The following SNX19 variants were observed in gnomAD, a reference collection of about 807,000 sequenced individuals.
SNX19 encodes the protein sorting nexin-19.
A neutral mutation model predicts 85.2 loss-of-function variants in SNX19; 60 were observed. The observed-to-expected ratio is 0.70, with a 90% CI of 0.57 to 0.87. The LOEUF is 0.87. Ranked by LOEUF, SNX19 falls within the 40% of genes least tolerant of loss-of-function variation. The probability of loss-of-function intolerance (pLI) is 0.00; values close to 1 mark genes in which losing one functional copy is unlikely to be tolerated. For missense variants in SNX19, 1,201 were observed against 1,217.8 expected (o/e 0.99, Z 0.21); for synonymous variants, 520 against 470.0 (o/e 1.11, Z -1.38).
Position 130,915,195 on chromosome 11 carries a change from G to C in SNX19, c.745C>G (p.Pro249Ala). ...VELITCNVIL[P>A]LISRLSDPDW... ...GGATCTGACAGCCTGCTGATCAGTGGTAAGATTACATTGCATGTGATGAGT... is the reference window on the plus strand; with the variant it reads ...GGATCTGACAGCCTGCTGATCAGTGCTAAGATTACATTGCATGTGATGAGT... Residue 249 changes from proline to alanine, a missense_variant, in exon 1 of 11, where the codon CCA becomes GCA. Pro to Ala is a conservative substitution (Grantham distance 27). This residue lies in a region of SNX19 where 791 missense variants were observed against 750.9 expected (regional missense o/e 1.05). Transcript: ENST00000265909. 1 of 1,614,250 alleles carries C rather than the reference G, an allele frequency of 6.2e-7. No homozygotes were observed. Among genetic ancestry groups the C allele is most frequent in the Non-Finnish European group, 8.5e-7 (1 of 1,180,048 alleles).
In SNX19 at chr11:130,905,620, A is replaced by G. The variant is rs545650760; in HGVS notation, c.2443+333T>C. On this transcript the variant is annotated intron_variant, in intron 7 of 10. Transcript: ENST00000265909. ...AGGAAACCAGGAAACTGAGACACTA[A>G]GGGAAGAAAGTTTCTAAGAAATGCA... 2.8e-6 allele frequency: 4 copies of G among 1,428,358 alleles called. No homozygotes were observed. In the East Asian group the frequency reaches 1.0e-4, roughly 36 times the overall value. 88.5% of individuals were successfully genotyped at this position (1,428,358 alleles called of 1,614,324 possible). A position where few individuals can be genotyped will look rare whatever the true frequency, so the allele number is the denominator to read the frequency against.
chr11:130,915,634 G>A lies in SNX19; in HGVS notation c.306C>T (p.Ile102=), dbSNP rs935996895. 2 of 1,614,246 alleles carry A rather than the reference G, an allele frequency of 1.2e-6. No individual in the cohort carries two copies. Among genetic ancestry groups the A allele is most frequent in the East Asian group, 2.2e-5 (1 of 44,878 alleles). Residue 102 remains isoleucine, a synonymous_variant, in exon 1 of 11, where the codon ATC becomes ATT. Coordinates refer to ENST00000265909, the MANE Select transcript of SNX19 (RefSeq NM_014758.3). ...PEAERQLERE[I]NRTIQMIIRD... ...GAATAATCATCTGGATGGTGCGGTT[G>A]ATCTCCCGTTCCAGCTGCCTTTCTG...
Position 130,914,381 on chromosome 11 carries a change from G to T in SNX19, c.1559C>A (p.Pro520His), listed in dbSNP as rs1193570161. ...PLSSATFSFE[P>H]LSSPDGPVII... ...AACTGGACCATCGGGACTGCTTAGGGGCTCAAAGCTGAAGGTGGCTGAGCT... is the reference window on the plus strand; with the variant it reads ...AACTGGACCATCGGGACTGCTTAGGTGCTCAAAGCTGAAGGTGGCTGAGCT... Residue 520 changes from proline to histidine, a missense_variant, in exon 1 of 11, where the codon CCC becomes CAC. This residue lies in a region of SNX19 where 791 missense variants were observed against 750.9 expected (regional missense o/e 1.05). Coordinates refer to ENST00000265909, the MANE Select transcript of SNX19 (RefSeq NM_014758.3). 1 of 1,613,924 alleles carries T rather than the reference G, an allele frequency of 6.2e-7. No individual in the cohort carries two copies. Among genetic ancestry groups the T allele is most frequent in the East Asian group, 2.2e-5 (1 of 44,878 alleles).
At position 130,878,378 on chromosome 11, in the gene SNX19, G is replaced by A. The variant is rs1943388510; in HGVS notation, c.*44C>T. On this transcript the variant is annotated 3_prime_UTR_variant, in exon 11 of 11. Transcript: ENST00000265909. ...TTCCTGACTGGTCTCTGGTGGCCGA[G>A]TAACTCTACTTCCCTGACCTGGGAA... is the stretch of plus-strand genomic sequence containing the variant. The A allele has an allele frequency of 6.3e-7, 1 of 1,594,680 alleles. No individual in the cohort carries two copies. The highest frequency in any genetic ancestry group is 8.6e-7 in the Non-Finnish European group (1 of 1,168,060).
chr11:130,909,779 C>T (rs4403816), intron 4 of SNX19, among the ~76,000 whole-genome samples: 24,216 of 152,192 alleles, frequency 0.16, 2,204 homozygotes, highest in Middle Eastern at 0.25. Context: ...GATATGTGTA[C>T]ACTTAAGAGT....
At position 130,914,597 on chromosome 11, in the gene SNX19, T is replaced by A. The variant is rs182248049; in HGVS notation, c.1343A>T (p.His448Leu). 16 of 1,613,974 alleles carry A rather than the reference T, an allele frequency of 9.9e-6. No homozygotes were observed. The highest frequency in any genetic ancestry group is 5.0e-5 in the Admixed American group (3 of 60,026). ...TATCTCCTTGTCTGCTGTGTCAATA[T>A]GGATCTCTGGGCAGGAATTCAGTGT... is the stretch of plus-strand genomic sequence containing the variant. ...VSTLNSCPEIHIDTADKEIEQ... is the reference protein window; with the variant it reads ...VSTLNSCPEILIDTADKEIEQ... Residue 448 changes from histidine (H) to leucine (L), a missense_variant, in exon 1 of 11, where the codon CAT (histidine) becomes CTT (leucine). His to Leu is a moderately conservative substitution (Grantham distance 99, BLOSUM62 -3). Coordinates refer to ENST00000265909, the MANE Select transcript of SNX19 (RefSeq NM_014758.3).
At position 130,870,536 on chromosome 11, in the gene SNX19, G is replaced by T. The variant is rs1333208183; in HGVS notation, c.*7886C>A. On this transcript the variant is annotated 3_prime_UTR_variant, in exon 11 of 11. Coordinates refer to ENST00000265909, the MANE Select transcript of SNX19 (RefSeq NM_014758.3). ...AGATGTACAAAGCTGTCTGGGGCAG[G>T]TCTGGTACAGACTAGCCAGTGCCCT... Among the ~76,000 whole-genome samples the T allele has an allele frequency of 1.3e-5, 2 of 152,212 alleles. No homozygotes were observed. The highest frequency in any genetic ancestry group is 4.8e-5 in the African/African-American group (2 of 41,460).
At chr11:130,882,254 T>C (rs1943730164) in intron 8 of SNX19, among the ~76,000 whole-genome samples, 1 of 152,190 alleles carries the variant, frequency 6.6e-6, no homozygotes, top group African/African-American at 2.4e-5. Flanking sequence ...GGATGGACAA[T>C]CAACCACTTC....
chr11:130,895,734 T>C (rs570152245), intron 8 of SNX19, among the ~76,000 whole-genome samples: 42 of 152,284 alleles, frequency 2.8e-4, no homozygotes, highest in African/African-American at 8.2e-4. Context: ...GAAATGCAAA[T>C]GCAATGCTCA....
At position 130,915,295 on chromosome 11, in the gene SNX19, A is replaced by G; in HGVS notation, c.645T>C (p.Val215=). Residue 215 remains valine (V), a synonymous_variant, in exon 1 of 11, where the codon GTT becomes GTC. Coordinates refer to ENST00000265909, the MANE Select transcript of SNX19 (RefSeq NM_014758.3). The stretch of plus-strand genomic sequence containing the variant: ...CCAGCCCTTGAAGCAACAAATTCAC[A>G]ACGCCACGCGTATAGGTGACTTCAG... ...PSAEVTYTRG[V]VNLLLQGLVP... is the part of the protein sequence containing the mutation. The G allele has an allele frequency of 2.5e-6, 4 of 1,614,214 alleles. No homozygotes were observed. Among genetic ancestry groups the G allele is most frequent in the South Asian group, 1.1e-5 (1 of 91,088 alleles).
At chr11:130,909,652 A>G (rs1480602013) in intron 4 of SNX19, among the ~76,000 whole-genome samples, 1 of 152,198 alleles carries the variant, frequency 6.6e-6, no homozygotes, top group African/African-American at 2.4e-5. Context: ...GGGTGACCCA[A>G]CACTGGAAAT....
rs1942952085 is a variant in SNX19, at chr11:130,869,915, A to AT, written c.*8506_*8507insA. ...AGACTGATGAGCTGATATAGAAAAA[A>AT]AAAAAGGAATAAAGAAAAAGCAATT... On this transcript the variant is annotated 3_prime_UTR_variant, in exon 11 of 11. Transcript: ENST00000265909. 1 of 151,106 alleles carries AT rather than the reference A, an allele frequency of 6.6e-6. No individual in the cohort carries two copies. Among genetic ancestry groups the AT allele is most frequent in the African/African-American group, 2.5e-5 (1 of 40,504 alleles). The allele number at this position is 151,106 out of a possible 1,614,324, so 9.4% of individuals were successfully genotyped here. A position where few individuals can be genotyped will look rare whatever the true frequency, so the allele number is the denominator to read the frequency against.
At chr11:130,888,622 C>T (rs1001499556) in intron 8 of SNX19, among the ~76,000 whole-genome samples, 17 of 152,136 alleles carry the variant, frequency 1.1e-4, no homozygotes, top group South Asian at 4.1e-4. Context: ...ACATCTATTT[C>T]GTCATCTGCT....
At chr11:130,884,913 T>C (rs1462827859) in intron 8 of SNX19, among the ~76,000 whole-genome samples, 1 of 151,788 alleles carries the variant, frequency 6.6e-6, no homozygotes, top group Non-Finnish European at 1.5e-5. Context: ...ATAAATCATT[T>C]ACTAAATACA....
At chr11:130,890,096 T>C (rs2135322196) in intron 8 of SNX19, among the ~76,000 whole-genome samples, 1 of 152,280 alleles carries the variant, frequency 6.6e-6, no homozygotes, top group Non-Finnish European at 1.5e-5. Context: ...AACCCCAATA[T>C]GCTGTTCAGA....
Position 130,880,826 on chromosome 11 carries a change from A to C in SNX19, c.2574-20T>G. ...AGCCACCTGTGGTAGAAGAGAGACG[A>C]AAGCTTAGATAAAGCTGAAGGAAAG... On this transcript the variant is annotated intron_variant, in intron 8 of 10. Transcript: ENST00000265909. 1 of 1,532,212 alleles carries C rather than the reference A, an allele frequency of 6.5e-7. No homozygotes were observed. 94.9% of individuals were successfully genotyped at this position (1,532,212 alleles called of 1,614,324 possible).
In SNX19 at chr11:130,908,037, C is replaced by T. The variant is rs563224300; in HGVS notation, c.2081G>A (p.Arg694His). 1.5e-5 allele frequency: 25 copies of T among 1,614,146 alleles called. No individual in the cohort carries two copies. The highest frequency in any genetic ancestry group is 8.8e-5 in the South Asian group (8 of 91,080). Residue 694 changes from arginine to histidine, a missense_variant, in exon 5 of 11, where the codon CGC becomes CAC. By Grantham distance (29) the Arg-to-His change is conservative. Around this residue, in one of 3 missense-constraint regions of SNX19, gnomAD observed 125 missense variants for 171.6 expected, o/e 0.73. Coordinates refer to ENST00000265909, the MANE Select transcript of SNX19 (RefSeq NM_014758.3). ...IVDTLKTAFP[R>H]SEPQSPTEEL... ...CTCTGTGGGGCTCTGGGGTTCAGAG[C>T]GAGGAAACGCTGTCTTCAAGGTGTC...
intron 8 of SNX19, among the ~76,000 whole-genome samples, chr11:130,883,043 C>T (rs937865077): frequency 6.6e-6 from 1 of 152,158 alleles, no homozygotes; most frequent in Non-Finnish European, 1.5e-5. Flanking sequence ...GACAGGACCT[C>T]ACATGGCATT....
In SNX19 at chr11:130,914,369, G is replaced by C. The variant is rs768809794; in HGVS notation, c.1571C>G (p.Pro524Arg). 6.2e-7 allele frequency: 1 copy of C among 1,613,884 alleles called. No individual in the cohort carries two copies. Among genetic ancestry groups the C allele is most frequent in the Non-Finnish European group, 8.5e-7 (1 of 1,179,854 alleles). Residue 524 changes from proline (P) to arginine (R), a missense_variant, in exon 1 of 11, where the codon CCC (proline) becomes CGC (arginine). Around this residue, in one of 3 missense-constraint regions of SNX19, gnomAD observed 791 missense variants for 750.9 expected, o/e 1.05. Transcript: ENST00000265909. Reference protein sequence around the residue: ...ATFSFEPLSSPDGPVIIQNLR... With the variant: ...ATFSFEPLSSRDGPVIIQNLR... ...GTTCTGGATGATAACTGGACCATCGGGACTGCTTAGGGGCTCAAAGCTGAA... is the reference window on the plus strand; with the variant it reads ...GTTCTGGATGATAACTGGACCATCGCGACTGCTTAGGGGCTCAAAGCTGAA...
Sources: allele counts gnomAD v4.1 joint callset (sites outside exome capture counted in the v4.1 genomes callset), GRCh38; gene constraint gnomAD v4.1.1; regional missense constraint gnomAD v4.1.1; transcripts MANE v1.5; gene names NCBI Gene and HGNC (gene_info 2026-07-23, HGNC 2026-07-21).